Variants in LNX1 observed in about 807,000 individuals in gnomAD.
The protein encoded by LNX1 is E3 ubiquitin-protein ligase LNX.
A neutral mutation model predicts 68.4 loss-of-function variants in LNX1; 54 were observed. That is an observed-to-expected ratio of 0.79 (90% CI 0.63 to 0.99). The LOEUF (loss-of-function observed/expected upper bound fraction) is 0.99, where lower values mean the gene tolerates loss of function less well. Among genes scored for constraint, LNX1 ranks in the 50% least tolerant of loss-of-function variants. LNX1 has a pLI of 0.00. For missense variants in LNX1, 906 were observed against 926.4 expected, an observed-to-expected ratio of 0.98 and a Z score of 0.29; for synonymous variants, 336 against 350.0, an observed-to-expected ratio of 0.96 and a Z score of 0.45.
chr4:53,639,017 A>G (rs1373114195), intron 1 of LNX1, among the ~76,000 whole-genome samples: 4 of 152,210 alleles, frequency 2.6e-5, no homozygotes, highest in Non-Finnish European at 4.4e-5. Context: ...CTGTTCTACC[A>G]AAAAGACACA....
chr4:53,555,575 GA>G (rs1474697674), intron 2 of LNX1, among the ~76,000 whole-genome samples: 1 of 152,116 alleles, frequency 6.6e-6, no homozygotes, highest in East Asian at 1.9e-4. Context: ...TCAACTCCTA[GA>G]AAGGAGGTAC....
chr4:53,639,566 A>G (rs1437870318), intron 1 of LNX1, among the ~76,000 whole-genome samples: 3 of 152,220 alleles, frequency 2.0e-5, no homozygotes, highest in Non-Finnish European at 4.4e-5. Context: ...TTGGCTGATG[A>G]AAATGGTGCA....
chr4:53,522,307 T>C (rs1427515784), intron 2 of LNX1, among the ~76,000 whole-genome samples: 3 of 152,232 alleles, frequency 2.0e-5, no homozygotes, highest in African/African-American at 7.2e-5. Flanking sequence ...TCTCCACTGA[T>C]GCTTCATAGT....
At chr4:53,506,335 A>T (rs554911294) in intron 4 of LNX1, among the ~76,000 whole-genome samples, 1 of 152,318 alleles carries the variant, frequency 6.6e-6, no homozygotes, top group Admixed American at 6.5e-5. Flanking sequence ...TCAATTTTTT[A>T]AAAAAGCTGT....
intron 2 of LNX1, among the ~76,000 whole-genome samples, chr4:53,570,672 A>AAAT: frequency 6.7e-6 from 1 of 149,264 alleles, no homozygotes; most frequent in Non-Finnish European, 1.5e-5. Context: ...AATAATAAAT[A>AAAT]AATAAATAAA....
At chr4:53,494,381 T>A (rs1724909516) in intron 6 of LNX1, among the ~76,000 whole-genome samples, 1 of 152,208 alleles carries the variant, frequency 6.6e-6, no homozygotes, top group Non-Finnish European at 1.5e-5. Context: ...CTTGGGTATG[T>A]CTTTATCAGC....
intron 2 of LNX1, among the ~76,000 whole-genome samples, chr4:53,537,467 C>T (rs1254727849): frequency 1.3e-5 from 2 of 152,194 alleles, no homozygotes; most frequent in African/African-American, 2.4e-5. Context: ...ATGCAAGTTC[C>T]TTGGAAAACA....
chr4:53,576,212 C>T lies in LNX1; in HGVS notation c.-86-2124G>A. On this transcript the variant is annotated intron_variant, in intron 1 of 10. Transcript: ENST00000263925. ...GTGGATGTGACAATCTCCACCAGTG[C>T]CCTGGCTCGCTTCCTGCAGCCGAGG... 3 of 1,598,510 alleles carry T rather than the reference C, an allele frequency of 1.9e-6. No individual in the cohort carries two copies. The East Asian group carries it at 6.8e-5, about 36-fold the overall frequency.
chr4:53,600,509 T>C (rs1239886680), intron 2 of LNX1, among the ~76,000 whole-genome samples: 1 of 152,056 alleles, frequency 6.6e-6, no homozygotes, highest in Non-Finnish European at 1.5e-5. Context: ...ATCCCTTTAT[T>C]TATCTTAAAT....
chr4:53,469,980 A>C (rs1723028996), intron 9 of LNX1, among the ~76,000 whole-genome samples: 1 of 152,244 alleles, frequency 6.6e-6, no homozygotes, highest in Non-Finnish European at 1.5e-5. Flanking sequence ...AATCCTCCCT[A>C]ACTCATTTTA....
At chr4:53,474,807 C>G (rs1723457824) in intron 9 of LNX1, among the ~76,000 whole-genome samples, 1 of 151,860 alleles carries the variant, frequency 6.6e-6, no homozygotes, top group East Asian at 1.9e-4. Context: ...CTCTCTGTCA[C>G]CCAGGCTGGA....
chr4:53,553,781 T>A (rs1729688546), intron 2 of LNX1, among the ~76,000 whole-genome samples: 1 of 152,154 alleles, frequency 6.6e-6, no homozygotes, highest in Non-Finnish European at 1.5e-5. Context: ...CACCAAATAC[T>A]CTGGTTTTAG....
chr4:53,564,176 G>A (rs1225998653), intron 2 of LNX1, among the ~76,000 whole-genome samples: 1 of 152,200 alleles, frequency 6.6e-6, no homozygotes, highest in Non-Finnish European at 1.5e-5. Flanking sequence ...TGTTCATCAA[G>A]CCTCTATCTC....
In LNX1 at chr4:53,493,330, C is replaced by T. The variant is rs114923484; in HGVS notation, c.1350+2693G>A. On this transcript the variant is annotated intron_variant, in intron 6 of 10. Coordinates refer to ENST00000263925, the MANE Select transcript of LNX1 (RefSeq NM_001126328.3). ...TGCTCTACTTGGCATGAGCTCGGGC[C>T]CTCTAGGGCAGATGAGCATCCATGG... Among the ~76,000 whole-genome samples, 1,069 of 152,326 alleles carry T rather than the reference C, an allele frequency of 7.0e-3. 13 individuals carry two copies. The highest frequency in any genetic ancestry group is 0.024 in the African/African-American group (998 of 41,560).
intron 2 of LNX1, among the ~76,000 whole-genome samples, chr4:53,535,384 T>A (rs1269731139): frequency 6.6e-6 from 1 of 152,218 alleles, no homozygotes; most frequent in Non-Finnish European, 1.5e-5. Flanking sequence ...ATTTTGATGT[T>A]GTCACAAATG....
chr4:53,539,773 A>G (rs1294163913), intron 2 of LNX1, among the ~76,000 whole-genome samples: 7 of 152,226 alleles, frequency 4.6e-5, no homozygotes, highest in African/African-American at 7.2e-5. Context: ...AACCCACACT[A>G]TCAAAGATAT....
In LNX1 at chr4:53,606,108, C is replaced by A. The variant is rs569009317; in HGVS notation, c.-215+10409G>T. On this transcript the variant is annotated intron_variant, in intron 2 of 3. Transcript: ENST00000504299. ...GAAATAATCAAAATCAGAGCTGAAC[C>A]GAAGGAAACTGGGAAAAACCATACA... Among the ~76,000 whole-genome samples, 18 of 151,914 alleles carry A rather than the reference C, an allele frequency of 1.2e-4. No individual in the cohort carries two copies. In the South Asian group the frequency reaches 2.7e-3, roughly 23 times the overall value.
Position 53,573,553 on chromosome 4 carries a change from C to A in LNX1, c.380+70G>T, listed in dbSNP as rs556265605. On this transcript the variant is annotated intron_variant, in intron 2 of 10. Coordinates refer to ENST00000263925, the MANE Select transcript of LNX1 (RefSeq NM_001126328.3). ...TCATTGGTTGGAAGCCCTCAGGAGA[C>A]TGGGGGGTGGAGGGGTCCAGCTGTC... 3 of 1,036,684 alleles carry A rather than the reference C, an allele frequency of 2.9e-6. No individual in the cohort carries two copies. The Admixed American group carries it at 6.4e-5, about 22-fold the overall frequency. 64.2% of individuals were successfully genotyped at this position (1,036,684 alleles called of 1,614,324 possible). A position where few individuals can be genotyped will look rare whatever the true frequency, so the allele number is the denominator to read the frequency against.
At chr4:53,552,414 GA>G (rs1417638804) in intron 2 of LNX1, among the ~76,000 whole-genome samples, 28 of 152,160 alleles carry the variant, frequency 1.8e-4, no homozygotes, top group Non-Finnish European at 3.8e-4. Flanking sequence ...GGAAGGAGAT[GA>G]AAAAACTCCA....
Sources: gnomAD v4.1 joint callset for allele counts (sites outside exome capture counted in the v4.1 genomes callset) on GRCh38, gnomAD v4.1.1 for gene constraint, MANE v1.5 for transcripts, NCBI Gene and HGNC (gene_info 2026-07-23, HGNC 2026-07-21) for gene names.